The following FOXN3 variants were observed in gnomAD, a reference collection of about 807,000 sequenced individuals.
FOXN3 encodes the protein forkhead box N3.
FOXN3 carries 7 observed loss-of-function variants against 38.4 expected under a neutral mutation model. The observed-to-expected ratio is 0.18, with a 90% confidence interval of 0.10 to 0.34. The LOEUF (loss-of-function observed/expected upper bound fraction) is 0.34, where lower values mean the gene tolerates loss of function less well. Among genes scored for constraint, FOXN3 ranks in the 10% least tolerant of loss-of-function variants. The probability of loss-of-function intolerance (pLI) is 1.00; values close to 1 mark genes in which losing one functional copy is unlikely to be tolerated. For synonymous variants in FOXN3, 230 were observed against 242.2 expected (o/e 0.95, Z 0.47); for missense variants, 456 against 613.4 (o/e 0.74, Z 2.71).
chr14:89,195,256 G>A (rs1040461828), intron 4 of FOXN3, among the ~76,000 whole-genome samples: 2 of 151,744 alleles, frequency 1.3e-5, no homozygotes, highest in Admixed American at 1.3e-4. Context: ...CCCTTCCTAT[G>A]AGGACACAGT....
intron 3 of FOXN3, among the ~76,000 whole-genome samples, chr14:89,336,884 A>C (rs1888476827): frequency 6.6e-6 from 1 of 152,220 alleles, no homozygotes. Flanking sequence ...TGGTTTTCCT[A>C]TAACTTTAAC....
intron 1 of FOXN3, among the ~76,000 whole-genome samples, chr14:89,593,365 G>A (rs537656258): frequency 2.6e-5 from 4 of 152,104 alleles, no homozygotes; most frequent in African/African-American, 4.8e-5. Flanking sequence ...CTAAAAGGGC[G>A]TGGTGGCTCA....
At chr14:89,381,223 CA>C (rs1431183861) in intron 2 of FOXN3, among the ~76,000 whole-genome samples, 1 of 148,008 alleles carries the variant, frequency 6.8e-6, no homozygotes, top group African/African-American at 2.5e-5. Context: ...TAAGATAAAT[CA>C]CCACAAAGGT....
At chr14:89,611,083 G>T (rs74508581) in intron 1 of FOXN3, among the ~76,000 whole-genome samples, 3,692 of 152,194 alleles carry the variant, frequency 0.024, 56 homozygotes, top group African/African-American at 0.035. Flanking sequence ...GCCCAGTGAT[G>T]ATTTAATTTT....
Position 89,271,727 on chromosome 14 carries a change from C to A in FOXN3, c.745+9223G>T, listed in dbSNP as rs922102686. Among the ~76,000 whole-genome samples, 3 of 152,028 alleles carry A rather than the reference C, an allele frequency of 2.0e-5. No individual in the cohort carries two copies. The South Asian group carries it at 6.2e-4, about 32-fold the overall frequency. ...AGGAACGAGGAGGGAAAATGAAGCA[C>A]CTTAATTACTTAAATGAAAGAAGAC... On this transcript the variant is annotated intron_variant, in intron 4 of 5. Coordinates refer to ENST00000557258, the MANE Select transcript of FOXN3 (RefSeq NM_005197.4).
At chr14:89,529,699 A>G (rs448069) in intron 1 of FOXN3, among the ~76,000 whole-genome samples, 1 of 136,706 alleles carries the variant, frequency 7.3e-6, no homozygotes, top group Non-Finnish European at 1.6e-5. Flanking sequence ...TTGCAGAAAT[A>G]TTGTTGTTGT....
At chr14:89,461,822 A>G (rs1645590764) in intron 1 of FOXN3, among the ~76,000 whole-genome samples, 1 of 152,054 alleles carries the variant, frequency 6.6e-6, no homozygotes, top group African/African-American at 2.4e-5. Context: ...AAGGGGAGAA[A>G]AGGGTATTCC....
At chr14:89,339,091 C>T (rs907715736) in intron 3 of FOXN3, among the ~76,000 whole-genome samples, 2 of 152,072 alleles carry the variant, frequency 1.3e-5, no homozygotes, top group Admixed American at 6.6e-5. Context: ...ACCTCTGCCT[C>T]CTGGGTGAGT....
In FOXN3 at chr14:89,387,295, TA is replaced by T. The variant is rs753837007; in HGVS notation, c.543+24638del. ...TCAATCAATAAACAAACCAACCAATTAGGGGGGAGACACAATTCAATCTATA... is the reference window on the plus strand; with the variant it reads ...TCAATCAATAAACAAACCAACCAATTGGGGGGAGACACAATTCAATCTATA... On this transcript the variant is annotated intron_variant, in intron 2 of 5. Transcript: ENST00000557258. Among the ~76,000 whole-genome samples, 152 of 151,984 alleles carry T rather than the reference TA, an allele frequency of 1.0e-3. 1 individual carries two copies. Among genetic ancestry groups the T allele is most frequent in the African/African-American group, 3.3e-3 (135 of 41,438 alleles).
intron 2 of FOXN3, among the ~76,000 whole-genome samples, chr14:89,390,389 A>G (rs1017300664): frequency 6.8e-6 from 1 of 148,006 alleles, no homozygotes; most frequent in African/African-American, 2.5e-5. Flanking sequence ...TTTTTTAAGT[A>G]AGGAAAACTA....
At chr14:89,511,667 C>T (rs1015662038) in intron 1 of FOXN3, among the ~76,000 whole-genome samples, 2 of 152,056 alleles carry the variant, frequency 1.3e-5, no homozygotes, top group Non-Finnish European at 2.9e-5. Flanking sequence ...TCTTTGCAGT[C>T]CTGATATGAA....
intron 4 of FOXN3, among the ~76,000 whole-genome samples, chr14:89,193,135 C>T (rs557086606): frequency 3.0e-4 from 45 of 152,056 alleles, no homozygotes; most frequent in African/African-American, 5.5e-4. Flanking sequence ...TTATTGAGAA[C>T]GAAAGTGCTA....
chr14:89,241,991 T>A (rs1323048841), intron 4 of FOXN3, among the ~76,000 whole-genome samples: 1 of 152,188 alleles, frequency 6.6e-6, no homozygotes, highest in South Asian at 2.1e-4. Flanking sequence ...GTAGGTCACA[T>A]GCTTTCAGTG....
chr14:89,373,360 C>T (rs905767149), intron 2 of FOXN3, among the ~76,000 whole-genome samples: 1 of 151,926 alleles, frequency 6.6e-6, no homozygotes, highest in Non-Finnish European at 1.5e-5. Flanking sequence ...TGGTTACCTT[C>T]CCAGGGTTTT....
intron 1 of FOXN3, among the ~76,000 whole-genome samples, chr14:89,555,283 T>C (rs919217019): frequency 2.0e-5 from 3 of 152,218 alleles, no homozygotes; most frequent in Non-Finnish European, 2.9e-5. Context: ...GCCAAAGATA[T>C]GCATTTTCAG....
At chr14:89,226,611 A>T (rs1318266851) in intron 4 of FOXN3, among the ~76,000 whole-genome samples, 1 of 152,148 alleles carries the variant, frequency 6.6e-6, no homozygotes, top group African/African-American at 2.4e-5. Context: ...TTCTTCATTA[A>T]GTGTTATTGG....
At chr14:89,500,286 C>A (rs569295644) in intron 1 of FOXN3, among the ~76,000 whole-genome samples, 1 of 152,198 alleles carries the variant, frequency 6.6e-6, no homozygotes, top group African/African-American at 2.4e-5. Flanking sequence ...TGGAAGCCAT[C>A]GGCACGGATG....
chr14:89,313,100 C>G lies in FOXN3; in HGVS notation c.681-32086G>C, dbSNP rs567891216. Reference sequence around the variant, plus strand: ...CTAGAGAATCCAGCCTAAGACCCAACTGTTAGGATTTTTATTACCAGGCAA... The same window carrying G: ...CTAGAGAATCCAGCCTAAGACCCAAGTGTTAGGATTTTTATTACCAGGCAA... On this transcript the variant is annotated intron_variant, in intron 3 of 5. Coordinates refer to ENST00000557258, the MANE Select transcript of FOXN3 (RefSeq NM_005197.4). 5.3e-5 allele frequency among the ~76,000 whole-genome samples: 8 copies of G among 152,308 alleles called. No homozygotes were observed. The South Asian group carries it at 1.7e-3, about 32-fold the overall frequency.
intron 1 of FOXN3, among the ~76,000 whole-genome samples, chr14:89,589,054 C>A (rs1015224362): frequency 3.6e-4 from 55 of 152,098 alleles, no homozygotes; most frequent in African/African-American, 1.3e-3. Flanking sequence ...TAGTGACTTG[C>A]TGTATGGTAT....
Sources: allele counts gnomAD v4.1 joint callset (sites outside exome capture counted in the v4.1 genomes callset), GRCh38; gene constraint gnomAD v4.1.1; transcripts MANE v1.5; gene names NCBI Gene and HGNC (gene_info 2026-07-23, HGNC 2026-07-21).